Variants in KCNJ15 observed in about 807,000 individuals in gnomAD.
KCNJ15 encodes ATP-sensitive inward rectifier potassium channel 15.
Under a neutral mutation model 23.0 loss-of-function variants are expected in KCNJ15, and 14 were observed. The observed-to-expected ratio is 0.61, with a 90% CI of 0.40 to 0.95. The LOEUF (loss-of-function observed/expected upper bound fraction) is 0.95. Ranked by LOEUF, KCNJ15 falls within the 40% of genes least tolerant of loss-of-function variation. The probability of loss-of-function intolerance (pLI) is 0.00; values close to 1 mark genes in which losing one functional copy is unlikely to be tolerated. For synonymous variants in KCNJ15, 185 were observed against 183.2 expected, an observed-to-expected ratio of 1.01 and a Z score of -0.08; for missense variants, 388 against 461.8, an observed-to-expected ratio of 0.84 and a Z score of 1.46.
At chr21:38,240,761 AAG>A in intron 1 of KCNJ15, among the ~76,000 whole-genome samples, 1 of 152,198 alleles carries the variant, frequency 6.6e-6, no homozygotes, top group Admixed American at 6.5e-5. Context: ...AAAAAACAAA[AAG>A]ATTTAAAAAT....
chr21:38,279,523 A>G (rs1983098924), intron 1 of KCNJ15, among the ~76,000 whole-genome samples: 1 of 152,202 alleles, frequency 6.6e-6, no homozygotes. Context: ...GAGTAGCAGC[A>G]GACTGAAATG....
rs529980213 is a variant in KCNJ15 at position 38,294,256 on chromosome 21, G to A, written c.-116-2670G>A. Among the ~76,000 whole-genome samples, 6 of 152,192 alleles carry A rather than the reference G, an allele frequency of 3.9e-5. No individual in the cohort carries two copies. In the South Asian group the frequency reaches 1.2e-3, roughly 32 times the overall value. On this transcript the variant is annotated intron_variant, in intron 1 of 2. Transcript: ENST00000398938. ...TATATGACACGCAAAAAAGCAAAAA[G>A]CTTTTTAAGTAACTTTTCTTACAAA...
chr21:38,273,814 C>G (rs900803016), intron 1 of KCNJ15, among the ~76,000 whole-genome samples: 4 of 152,206 alleles, frequency 2.6e-5, no homozygotes, highest in African/African-American at 9.7e-5. Flanking sequence ...ATTGACCATG[C>G]TGGAAGAAGA....
chr21:38,263,479 C>T (rs1339407115), intron 1 of KCNJ15, among the ~76,000 whole-genome samples: 1 of 152,180 alleles, frequency 6.6e-6, no homozygotes. Flanking sequence ...TGAATCTTCA[C>T]AGCAATCATT....
Position 38,305,611 on chromosome 21 carries a change from T to G in KCNJ15, c.*5222T>G, listed in dbSNP as rs1986030239. 6.6e-6 allele frequency: 1 copy of G among 152,226 alleles called. No homozygotes were observed. The highest frequency in any genetic ancestry group is 1.5e-5 in the Non-Finnish European group (1 of 68,044). 9.4% of individuals were successfully genotyped at this position (152,226 alleles called of 1,614,324 possible). ...GCAGAATATGTCCTATATGGAGTAA[T>G]TTTTTATTTGTGTAGACTTTTTTAG... is the stretch of plus-strand genomic sequence containing the variant. On this transcript the variant is annotated 3_prime_UTR_variant, in exon 3 of 3. Coordinates refer to ENST00000398938, the MANE Select transcript of KCNJ15 (RefSeq NM_170736.3).
rs1234992743 is a variant in KCNJ15, at chr21:38,299,792, C to T, written c.531C>T (p.Thr177=). 6.2e-7 allele frequency: 1 copy of T among 1,614,102 alleles called. No individual in the cohort carries two copies. The highest frequency in any genetic ancestry group is 1.7e-5 in the Admixed American group (1 of 60,022). ...CCAGACCCAAAAAGCGGGCTGAGAC[C>T]ATCAAGTTCAGCCACTGTGCAGTCA... ...KIARPKKRAE[T]IKFSHCAVIT... Residue 177 remains threonine (T), a synonymous_variant, in exon 3 of 3, where the codon ACC becomes ACT. Transcript: ENST00000398938. This position sits in a 1 kb window ranked among gnomAD's most constrained non-coding sequence, Gnocchi z 4.5.
At chr21:38,260,489 G>T (rs752009090) in intron 1 of KCNJ15, among the ~76,000 whole-genome samples, 2 of 152,146 alleles carry the variant, frequency 1.3e-5, no homozygotes, top group Admixed American at 6.5e-5. Flanking sequence ...GCCAATAGCC[G>T]CCACTATCCA....
chr21:38,254,688 T>C (rs543541222), upstream of KCNJ15, among the ~76,000 whole-genome samples: 103 of 152,344 alleles, frequency 6.8e-4, no homozygotes, highest in Non-Finnish European at 1.3e-3. Context: ...TGTTTTGAGC[T>C]TCAATTCATC....
chr21:38,277,775 C>T (rs1298631324), intron 1 of KCNJ15, among the ~76,000 whole-genome samples: 3 of 152,136 alleles, frequency 2.0e-5, no homozygotes, highest in African/African-American at 7.2e-5. Context: ...TAGACAACTA[C>T]GCAGGTAATG....
At chr21:38,271,704 C>T (rs550643236) in intron 1 of KCNJ15, among the ~76,000 whole-genome samples, 18 of 152,300 alleles carry the variant, frequency 1.2e-4, no homozygotes, top group South Asian at 2.1e-4. Flanking sequence ...TTAGGCCACA[C>T]GATCCCCCAA....
intron 1 of KCNJ15, among the ~76,000 whole-genome samples, chr21:38,239,360 C>T (rs1308452982): frequency 1.3e-5 from 2 of 152,222 alleles, no homozygotes; most frequent in Non-Finnish European, 2.9e-5. Context: ...AGTTATGGCT[C>T]TCGGCTCAGG....
At chr21:38,280,659 A>G (rs1349751082) in intron 1 of KCNJ15, among the ~76,000 whole-genome samples, 3 of 152,166 alleles carry the variant, frequency 2.0e-5, no homozygotes, top group Non-Finnish European at 2.9e-5. Flanking sequence ...CTTAAACAAA[A>G]TTGCTGACTA....
At chr21:38,259,641 A>G (rs1373941122) in intron 1 of KCNJ15, among the ~76,000 whole-genome samples, 1 of 152,238 alleles carries the variant, frequency 6.6e-6, no homozygotes. Context: ...GAGGCAAGTC[A>G]GACAGAGGTT....
intron 1 of KCNJ15, among the ~76,000 whole-genome samples, chr21:38,290,208 T>A (rs977589452): frequency 4.6e-5 from 7 of 152,090 alleles, no homozygotes; most frequent in African/African-American, 1.7e-4. Context: ...GGCAAATGAG[T>A]CCCCTGTTGG....
At chr21:38,263,827 A>AT (rs948524772) in intron 1 of KCNJ15, among the ~76,000 whole-genome samples, 2 of 151,712 alleles carry the variant, frequency 1.3e-5, no homozygotes, top group African/African-American at 2.4e-5. Flanking sequence ...GCCCCAAAGA[A>AT]TTTTTTTTTA....
chr21:38,234,278 T>C (rs1978455245), intron 1 of KCNJ15, among the ~76,000 whole-genome samples: 1 of 152,244 alleles, frequency 6.6e-6, no homozygotes, highest in Non-Finnish European at 1.5e-5. Context: ...GTTTCTTTTT[T>C]TCTCATGAGC....
At chr21:38,264,761 C>T (rs1218081804) in intron 1 of KCNJ15, among the ~76,000 whole-genome samples, 3 of 152,084 alleles carry the variant, frequency 2.0e-5, no homozygotes, top group Admixed American at 6.6e-5. Context: ...GCTAGAATTG[C>T]GTAAGTGGGG....
At chr21:38,282,804 TA>T (rs770113295) in intron 1 of KCNJ15, among the ~76,000 whole-genome samples, 22 of 152,274 alleles carry the variant, frequency 1.4e-4, no homozygotes, top group Non-Finnish European at 2.4e-4. Context: ...TGGGGAAAGC[TA>T]AACTCCAAGA....
intron 1 of KCNJ15, among the ~76,000 whole-genome samples, chr21:38,266,821 G>A (rs187807003): frequency 2.5e-3 from 383 of 152,332 alleles, no homozygotes; most frequent in African/African-American, 8.8e-3. Context: ...AACACGCTGA[G>A]GACACAGGCT....
Sources: allele counts gnomAD v4.1 joint callset (sites outside exome capture counted in the v4.1 genomes callset), GRCh38; gene constraint gnomAD v4.1.1; non-coding constraint Gnocchi (gnomAD v3.1); transcripts MANE v1.5; gene names NCBI Gene and HGNC (gene_info 2026-07-23, HGNC 2026-07-21).